The following ANKAR variants were observed in gnomAD, a reference collection of about 807,000 sequenced individuals.
ANKAR encodes the protein ankyrin and armadillo repeat containing.
In ANKAR, 136 loss-of-function variants were observed where a neutral mutation model predicts 146.2. The observed-to-expected ratio is 0.93, with a 90% CI of 0.81 to 1.07. The LOEUF (loss-of-function observed/expected upper bound fraction) is 1.07. Ranked by LOEUF, ANKAR falls within the 50% of genes least tolerant of loss-of-function variation. The probability of loss-of-function intolerance (pLI) is 0.00; values close to 1 mark genes in which losing one functional copy is unlikely to be tolerated. For missense variants in ANKAR, 1,567 were observed against 1,679.9 expected (o/e 0.93, Z 1.18); for synonymous variants, 500 against 575.8 (o/e 0.87, Z 1.88).
intron 18 of ANKAR, chr2:189,754,236 T>G (rs1242546127): frequency 3.1e-6 from 5 of 1,613,912 alleles, no homozygotes; most frequent in Non-Finnish European, 3.4e-6. Context: ...CAAGGGAGGT[T>G]TGATGTCAAA....
At position 189,698,065 on chromosome 2, in the gene ANKAR, A is replaced by T. The variant is rs987969519; in HGVS notation, c.1708+1696A>T. Among the ~76,000 whole-genome samples, 4 of 152,278 alleles carry T rather than the reference A, an allele frequency of 2.6e-5. No homozygotes were observed. The East Asian group carries it at 7.7e-4, about 29-fold the overall frequency. ...TATTAATGATCATACTTCTATGTGCATTCCCTTTTAAAACAGAGTCATCCA... is the reference window on the plus strand; with the variant it reads ...TATTAATGATCATACTTCTATGTGCTTTCCCTTTTAAAACAGAGTCATCCA... On this transcript the variant is annotated intron_variant, in intron 7 of 22. Transcript: ENST00000684021.
intron 7 of ANKAR, among the ~76,000 whole-genome samples, chr2:189,704,326 A>AG (rs1189839092): frequency 3.3e-5 from 5 of 150,536 alleles, no homozygotes; most frequent in African/African-American, 1.2e-4. Context: ...TTGTATTTTT[A>AG]GTAGACCCCA....
At chr2:189,686,963 G>A (rs1034322168) in intron 2 of ANKAR, among the ~76,000 whole-genome samples, 4 of 151,826 alleles carry the variant, frequency 2.6e-5, no homozygotes, top group African/African-American at 9.7e-5. Context: ...TCCTTTCTTT[G>A]TGTTACAGAC....
chr2:189,714,115 G>A (rs1317413751), intron 10 of ANKAR, among the ~76,000 whole-genome samples: 1 of 152,166 alleles, frequency 6.6e-6, no homozygotes, highest in Non-Finnish European at 1.5e-5. Context: ...CATAAAGCAA[G>A]TTCTTAGAGA....
intron 3 of ANKAR, 69 bp downstream of exon 3, chr2:189,690,033 T>A (rs62185872): frequency 0.14 from 164,757 of 1,193,496 alleles, 11,842 homozygotes; most frequent in Middle Eastern, 0.17. Context: ...AATGCAATTT[T>A]GTTTCTAGTA....
intron 20 of ANKAR, among the ~76,000 whole-genome samples, chr2:189,742,878 ACACACACACACACACT>A (rs1308576040): frequency 2.9e-4 from 38 of 129,352 alleles, no homozygotes; most frequent in Non-Finnish European, 4.9e-4. Flanking sequence ...ACACACACAC[ACACACACACACACACT>A]AGAATTACCT....
At chr2:189,746,790 T>C (rs1349782581), downstream of ANKAR, 4 of 785,078 alleles carry the variant, frequency 5.1e-6, no homozygotes, top group Non-Finnish European at 7.5e-6. Flanking sequence ...AGGAATTTAG[T>C]GTCAGGTCAG....
At chr2:189,741,570 T>G (rs950598132) in intron 20 of ANKAR, 119 bp downstream of exon 20, 18 of 561,138 alleles carry the variant, frequency 3.2e-5, no homozygotes, top group Admixed American at 7.5e-5. Context: ...ATAATTCTTA[T>G]TACTAACTCA....
chr2:189,750,588 A>T (rs1559160439), downstream of ANKAR: 5 of 1,575,554 alleles, frequency 3.2e-6, no homozygotes, highest in South Asian at 5.8e-5. Flanking sequence ...TCATATCTCC[A>T]TTTTTAATTG....
rs558883098 is a variant in ANKAR, at chr2:189,734,572, C to T, written c.3423+1343C>T. ...CAACCAGGAAGAAAATTGCCAGCGACGTTTCTCTCAGTTCTGTAAGGTTTT... is the reference window on the plus strand; with the variant it reads ...CAACCAGGAAGAAAATTGCCAGCGATGTTTCTCTCAGTTCTGTAAGGTTTT... On this transcript the variant is annotated intron_variant, in intron 17 of 22. Transcript: ENST00000684021. Among the ~76,000 whole-genome samples, 30 of 152,198 alleles carry T rather than the reference C, an allele frequency of 2.0e-4. No homozygotes were observed. In the South Asian group the frequency reaches 4.4e-3, roughly 22 times the overall value.
intron 7 of ANKAR, among the ~76,000 whole-genome samples, chr2:189,700,363 T>C (rs1157449861): frequency 6.6e-6 from 1 of 152,206 alleles, no homozygotes; most frequent in African/African-American, 2.4e-5. Context: ...GTAATGTGTT[T>C]TCCTCTGGCT....
chr2:189,739,576 T>C (rs2043146041), intron 19 of ANKAR, among the ~76,000 whole-genome samples: 1 of 152,048 alleles, frequency 6.6e-6, no homozygotes, highest in Non-Finnish European at 1.5e-5. Context: ...CAGTTTTTTT[T>C]TTTTTTGAGA....
intron 11 of ANKAR, among the ~76,000 whole-genome samples, chr2:189,720,352 A>G (rs2041093745): frequency 6.6e-6 from 1 of 151,664 alleles, no homozygotes; most frequent in South Asian, 2.1e-4. Context: ...GGTTCAAGTG[A>G]TTCTCCTGCC....
At chr2:189,738,886 G>A (rs1006358450) in intron 19 of ANKAR, among the ~76,000 whole-genome samples, 30 of 152,154 alleles carry the variant, frequency 2.0e-4, no homozygotes, top group African/African-American at 7.2e-4. Context: ...CAGAAGCTGA[G>A]TAACTCTGAA....
intron 11 of ANKAR, 114 bp from the exon 12 acceptor site, chr2:189,720,505 C>T: frequency 1.6e-6 from 1 of 614,076 alleles, no homozygotes; most frequent in Non-Finnish European, 2.3e-6. Flanking sequence ...CTCGGCCTCC[C>T]AAAGTGCTGG....
chr2:189,678,138 C>G (rs1053079585), intron 2 of ANKAR, among the ~76,000 whole-genome samples: 1 of 152,022 alleles, frequency 6.6e-6, no homozygotes, highest in Non-Finnish European at 1.5e-5. Context: ...GCCATTCTTG[C>G]GGGAGTAAGA....
chr2:189,762,460 G>C, downstream of ANKAR: 1 of 497,514 alleles, frequency 2.0e-6, no homozygotes, highest in Non-Finnish European at 2.6e-6. Flanking sequence ...GTGCAGCCCA[G>C]ACAGACACAA....
intron 7 of ANKAR, among the ~76,000 whole-genome samples, chr2:189,701,994 G>T (rs2038139416): frequency 1.3e-5 from 2 of 152,076 alleles, no homozygotes; most frequent in African/African-American, 4.8e-5. Flanking sequence ...TCAGTCTCTT[G>T]GTGAGCCTGC....
intron 7 of ANKAR, among the ~76,000 whole-genome samples, chr2:189,699,118 G>T (rs188925451): frequency 6.6e-6 from 1 of 152,266 alleles, no homozygotes; most frequent in East Asian, 1.9e-4. Flanking sequence ...CTTCATAGGT[G>T]CTCAGGAAAT....
Sources: allele counts gnomAD v4.1 joint callset (sites outside exome capture counted in the v4.1 genomes callset), GRCh38; gene constraint gnomAD v4.1.1; transcripts MANE v1.5; gene names NCBI Gene and HGNC (gene_info 2026-07-23, HGNC 2026-07-21).